The following PHTF1 variants were observed in gnomAD, a reference collection of about 807,000 sequenced individuals.
PHTF1 encodes the protein protein PHTF1.
PHTF1 carries 88 observed loss-of-function variants against 102.4 expected under a neutral mutation model. That is an observed-to-expected ratio of 0.86 (90% CI 0.72 to 1.03). PHTF1 has a LOEUF of 1.03. PHTF1 is among the 50% of genes least tolerant of loss of function. The pLI, the probability that PHTF1 is intolerant of heterozygous loss-of-function variation, is 0.00. For missense variants in PHTF1, 814 were observed against 909.5 expected, an observed-to-expected ratio of 0.89 and a Z score of 1.35; for synonymous variants, 289 against 305.2, an observed-to-expected ratio of 0.95 and a Z score of 0.55.
chr1:113,705,803 G>A, intron 13 of PHTF1, 87 bp downstream of exon 13: 1 of 984,280 alleles, frequency 1.0e-6, no homozygotes, highest in Non-Finnish European at 1.5e-6. Context: ...TCAACTTGAA[G>A]AGAGACCAAA....
At chr1:113,758,879 C>CA (rs962778012) in intron 1 of PHTF1, 144 bp downstream of exon 1, 1,630 of 1,206,924 alleles carry the variant, frequency 1.4e-3, no homozygotes, top group South Asian at 3.6e-3. Context: ...AACAAACAAA[C>CA]AAAAAAAAAC....
At chr1:113,723,324 C>T (rs954457020) in intron 7 of PHTF1, among the ~76,000 whole-genome samples, 21 of 152,166 alleles carry the variant, frequency 1.4e-4, no homozygotes, top group Admixed American at 4.6e-4. Context: ...ATTACAGGTG[C>T]CCACCACCAC....
rs187805535 is a variant in PHTF1 at position 113,742,573 on chromosome 1, A to G, written c.103-3774T>C. ...GAGGCTGAGGTTGCAGTGAGCCAAGATCGCGCCATTGCACTCCAGCCTAGG... is the reference window on the plus strand; with the variant it reads ...GAGGCTGAGGTTGCAGTGAGCCAAGGTCGCGCCATTGCACTCCAGCCTAGG... On this transcript the variant is annotated intron_variant, in intron 3 of 18. Coordinates refer to ENST00000369604, the MANE Select transcript of PHTF1 (RefSeq NM_001323043.2). Among the ~76,000 whole-genome samples, 15 of 152,248 alleles carry G rather than the reference A, an allele frequency of 9.9e-5. No individual in the cohort carries two copies. In the East Asian group the frequency reaches 2.9e-3, roughly 29 times the overall value.
At chr1:113,747,182 A>G (rs1334822306) in intron 3 of PHTF1, among the ~76,000 whole-genome samples, 2 of 152,226 alleles carry the variant, frequency 1.3e-5, no homozygotes, top group Admixed American at 6.5e-5. Flanking sequence ...GAGTTTTATC[A>G]CAAATTTTTG....
chr1:113,702,290 T>A lies in PHTF1; in HGVS notation c.1891-1341A>T, dbSNP rs962747781. On this transcript the variant is annotated intron_variant, in intron 15 of 18. Coordinates refer to ENST00000369604, the MANE Select transcript of PHTF1 (RefSeq NM_001323043.2). ...CATATAACAAGTTAATAGGATTAGG[T>A]GGAATATTTAAAAATATTTGGTTAA... Among the ~76,000 whole-genome samples, 5 of 151,886 alleles carry A rather than the reference T, an allele frequency of 3.3e-5. No individual in the cohort carries two copies. The East Asian group carries it at 9.6e-4, about 29-fold the overall frequency.
intron 13 of PHTF1, among the ~76,000 whole-genome samples, chr1:113,705,430 C>T (rs117278538): frequency 6.6e-6 from 1 of 152,208 alleles, no homozygotes; most frequent in East Asian, 1.9e-4. Flanking sequence ...AATAGAACAA[C>T]ACCCGGTCTC....
intron 2 of PHTF1, 87 bp from the exon 3 acceptor site, chr1:113,757,842 TTAAG>T: frequency 1.2e-6 from 1 of 843,940 alleles, no homozygotes; most frequent in Non-Finnish European, 2.1e-6. Flanking sequence ...CATGAGCCTA[TTAAG>T]TATCAATATG....
chr1:113,704,836 T>C, intron 13 of PHTF1, 39 bp from the exon 14 acceptor site: 1 of 1,380,722 alleles, frequency 7.2e-7, no homozygotes, highest in Non-Finnish European at 1.0e-6. Context: ...GAAATGTATG[T>C]ATGTGTCTGT....
At chr1:113,721,897 T>C (rs931381154) in intron 7 of PHTF1, among the ~76,000 whole-genome samples, 2 of 151,592 alleles carry the variant, frequency 1.3e-5, no homozygotes, top group African/African-American at 4.8e-5. Context: ...GGTTTCACCA[T>C]GTTAACCAGG....
At chr1:113,702,411 A>T (rs1649546625) in intron 15 of PHTF1, among the ~76,000 whole-genome samples, 1 of 152,044 alleles carries the variant, frequency 6.6e-6, no homozygotes, top group African/African-American at 2.4e-5. Flanking sequence ...ATTAAGTTTA[A>T]ATGGGCCAGA....
intron 15 of PHTF1, among the ~76,000 whole-genome samples, chr1:113,703,298 T>C (rs1466198927): frequency 6.6e-6 from 1 of 152,182 alleles, no homozygotes; most frequent in African/African-American, 2.4e-5. Flanking sequence ...GGACTGAAAA[T>C]ATTCAGAGTA....
chr1:113,738,491 A>G (rs115455440), intron 4 of PHTF1, among the ~76,000 whole-genome samples: 457 of 152,324 alleles, frequency 3.0e-3, no homozygotes, highest in Middle Eastern at 6.8e-3. Context: ...GTTAAACAAC[A>G]TATTTATCTT....
intron 3 of PHTF1, among the ~76,000 whole-genome samples, chr1:113,750,148 A>C (rs1571248939): frequency 6.6e-6 from 1 of 152,014 alleles, no homozygotes; most frequent in Admixed American, 6.6e-5. Flanking sequence ...GCACATGCCC[A>C]CCACACCCAG....
intron 5 of PHTF1, among the ~76,000 whole-genome samples, chr1:113,732,904 C>T (rs977295892): frequency 4.0e-5 from 6 of 151,718 alleles, no homozygotes; most frequent in South Asian, 4.2e-4. Context: ...GTTGAGGGGG[C>T]GGGCAGAGAT....
chr1:113,753,342 C>G (rs1252901328), intron 3 of PHTF1, among the ~76,000 whole-genome samples: 1 of 152,042 alleles, frequency 6.6e-6, no homozygotes. Flanking sequence ...TGTTCTTGAC[C>G]TAATTAACTG....
chr1:113,703,300 T>C (rs1207772654), intron 15 of PHTF1, among the ~76,000 whole-genome samples: 5 of 152,214 alleles, frequency 3.3e-5, no homozygotes, highest in African/African-American at 1.2e-4. Context: ...ACTGAAAATA[T>C]TCAGAGTATG....
chr1:113,715,582 A>G (rs576965656), intron 7 of PHTF1, among the ~76,000 whole-genome samples: 25 of 127,304 alleles, frequency 2.0e-4, no homozygotes, highest in Non-Finnish European at 3.5e-4. Context: ...TAGGAGGTGG[A>G]GTTTGCAGTG....
At chr1:113,728,414 C>T (rs559600611) in intron 5 of PHTF1, among the ~76,000 whole-genome samples, 30 of 152,244 alleles carry the variant, frequency 2.0e-4, no homozygotes, top group Non-Finnish European at 3.2e-4. Flanking sequence ...ATCTCACTCC[C>T]GTTAAAATGG....
At chr1:113,716,385 C>T (rs1238049846) in intron 7 of PHTF1, among the ~76,000 whole-genome samples, 2 of 137,306 alleles carry the variant, frequency 1.5e-5, no homozygotes, top group Admixed American at 1.6e-4. Flanking sequence ...ATCTCAGTTG[C>T]CCAGGCTGGA....
Sources: allele counts gnomAD v4.1 joint callset (sites outside exome capture counted in the v4.1 genomes callset), GRCh38; gene constraint gnomAD v4.1.1; transcripts MANE v1.5; gene names NCBI Gene and HGNC (gene_info 2026-07-23, HGNC 2026-07-21).